Variants in SUMF2 observed in about 807,000 individuals in gnomAD.
SUMF2 encodes the protein sulfatase modifying factor 2.
Under a neutral mutation model 44.8 loss-of-function variants are expected in SUMF2, and 45 were observed. The ratio of observed to expected loss-of-function variants is 1.00; its 90% CI spans 0.79 to 1.29. The LOEUF is 1.29. SUMF2 is among the 50% of genes most tolerant of loss of function. The pLI is 0.00. For synonymous variants in SUMF2, 148 were observed against 150.4 expected (o/e 0.98, Z 0.12); for missense variants, 418 against 389.9 (o/e 1.07, Z -0.61).
intron 8 of SUMF2, chr7:56,079,047 T>G (rs528608388): frequency 1.8e-6 from 1 of 549,780 alleles, no homozygotes; most frequent in Non-Finnish European, 3.3e-6. Context: ...CAGGTGCGGC[T>G]AATTTTTGTA....
intron 3 of SUMF2, 107 bp downstream of exon 3, chr7:56,073,218 G>A (rs778059757): frequency 1.6e-4 from 141 of 854,990 alleles, no homozygotes; most frequent in Non-Finnish European, 1.5e-4. Flanking sequence ...GACCTGAGAG[G>A]TGGAGGCAGA....
intron 8 of SUMF2, 106 bp from the exon 9 acceptor site, chr7:56,079,422 T>C: frequency 8.7e-7 from 1 of 1,154,838 alleles, no homozygotes; most frequent in Non-Finnish European, 1.2e-6. Flanking sequence ...CCAGCCCTCA[T>C]GCTCCCTGAT....
rs1795689273 is a variant in SUMF2, at chr7:56,078,109, TC to T, written c.603del (p.Lys202ArgfsTer15). On this transcript the variant is annotated frameshift_variant, in exon 7 of 9. Coordinates refer to ENST00000434526, the MANE Select transcript of SUMF2 (RefSeq NM_015411.4). LOFTEE classifies it high-confidence loss of function. Reference protein sequence around the residue: ...PNRTNLWQGKFPKGDKAEDGF... With the variant: ...PNRTNLWQGKXPKGDKAEDGF... ...CTTCCTTTCTCCCATCAGGGAAAGT[TC>T]CCCAAGGGAGACAAAGCTGAGGATG... 2 of 1,609,500 alleles carry T rather than the reference TC, an allele frequency of 1.2e-6. No homozygotes were observed. The highest frequency in any genetic ancestry group is 1.7e-6 in the Non-Finnish European group (2 of 1,176,540).
At chr7:56,067,893 C>CGA (rs1794908426) in intron 1 of SUMF2, among the ~76,000 whole-genome samples, 1 of 98,500 alleles carries the variant, frequency 1.0e-5, no homozygotes, top group Admixed American at 1.3e-4. Context: ...GATCCTGTCA[C>CGA]GAAAAAAAAA....
chr7:56,067,724 C>G (rs1794897156), intron 1 of SUMF2, among the ~76,000 whole-genome samples: 1 of 151,636 alleles, frequency 6.6e-6, no homozygotes, highest in African/African-American at 2.4e-5. Flanking sequence ...AAAACCCCAT[C>G]TCTACAAAAA....
rs1337307109 is a variant in SUMF2, at chr7:56,076,847, A to G, written c.549A>G (p.Pro183=). ...CTCTCCTCGCAGGTCAAGTTTACCCATGGGGGAACTGGTTCCAGCCAAACC... is the reference window on the plus strand; with the variant it reads ...CTCTCCTCGCAGGTCAAGTTTACCCGTGGGGGAACTGGTTCCAGCCAAACC... The part of the protein sequence containing the change: ...ARGGLKGQVY[P]WGNWFQPNRT... Residue 183 remains proline (P), a synonymous_variant, in exon 6 of 9, where the codon CCA becomes CCG. Transcript: ENST00000434526. 2.5e-6 allele frequency: 4 copies of G among 1,601,218 alleles called. No homozygotes were observed. Among genetic ancestry groups the G allele is most frequent in the Non-Finnish European group, 3.4e-6 (4 of 1,173,762 alleles).
chr7:56,067,682 C>G (rs1192882964), intron 1 of SUMF2, among the ~76,000 whole-genome samples: 1 of 151,900 alleles, frequency 6.6e-6, no homozygotes, highest in African/African-American at 2.4e-5. Context: ...CATTTGAGCT[C>G]AGGAGTTTGA....
downstream of SUMF2, among the ~76,000 whole-genome samples, chr7:56,082,949 T>G (rs753477696): frequency 6.6e-6 from 1 of 151,842 alleles, no homozygotes; most frequent in Non-Finnish European, 1.5e-5. Context: ...CTACTAAAAA[T>G]ACAAAAATTA....
At position 56,066,082 on chromosome 7, in the gene SUMF2, C is replaced by CAAAA. The variant is rs71015176; in HGVS notation, c.67+1724_67+1727dup. 3.6e-3 allele frequency among the ~76,000 whole-genome samples: 249 copies of CAAAA among 68,782 alleles called. 1 individual carries two copies. Among genetic ancestry groups the CAAAA allele is most frequent in the South Asian group, 5.3e-3 (9 of 1,688 alleles). 45.1% of individuals were successfully genotyped at this position (68,782 alleles called of 152,430 possible). A position where few individuals can be genotyped will look rare whatever the true frequency, so the allele number is the denominator to read the frequency against. On this transcript the variant is annotated intron_variant, in intron 1 of 8. Transcript: ENST00000434526. ...GACAACAGAGCAAGGCTCCGCCTCA[C>CAAAA]AAAAAAAAAAAAAAAAAAAAAAATC...
chr7:56,077,573 C>A (rs1269400188), intron 6 of SUMF2, among the ~76,000 whole-genome samples: 2 of 151,110 alleles, frequency 1.3e-5, no homozygotes, highest in Non-Finnish European at 2.9e-5. Flanking sequence ...GCAGGAGAAT[C>A]ACTTGAACCC....
Position 56,064,378 on chromosome 7 carries a change from G to T in SUMF2, c.67G>T (p.Gly23Ter). ...CCTGGTCGGCGCGTGGCTCAAGCTA[G>T]GTCAGTGAACCGGCCGTCCATCCTG... ...SLLVGAWLKL[G>*]NGQATSMVQL... is the part of the protein sequence containing the mutation. Residue 23 changes from glycine to a stop codon, truncating the protein, a stop_gained and splice_region_variant, in exon 1 of 9, where the codon GGA (glycine) becomes TGA (stop). Transcript: ENST00000434526. LOFTEE classifies it high-confidence loss of function. 1 of 1,603,120 alleles carries T rather than the reference G, an allele frequency of 6.2e-7. No homozygotes were observed. Among genetic ancestry groups the T allele is most frequent in the Non-Finnish European group, 8.5e-7 (1 of 1,175,444 alleles).
At chr7:56,084,242 C>T, downstream of SUMF2, 1 of 1,518,062 alleles carries the variant, frequency 6.6e-7, no homozygotes, top group Non-Finnish European at 8.8e-7. Context: ...AGTGTCTTCC[C>T]ATCTGTGGAA....
chr7:56,071,281 C>T (rs1008660341), intron 2 of SUMF2, among the ~76,000 whole-genome samples: 41 of 152,202 alleles, frequency 2.7e-4, no homozygotes, highest in African/African-American at 9.6e-4. Flanking sequence ...TGCTTGGGCC[C>T]AGGAGGTCAA....
At chr7:56,071,914 A>C (rs1313649565) in intron 2 of SUMF2, among the ~76,000 whole-genome samples, 1 of 151,996 alleles carries the variant, frequency 6.6e-6, no homozygotes, top group Non-Finnish European at 1.5e-5. Flanking sequence ...GTTTGAGACC[A>C]GCCTGGCCAA....
chr7:56,064,622 C>T (rs1445468799), intron 1 of SUMF2, among the ~76,000 whole-genome samples: 1 of 151,770 alleles, frequency 6.6e-6, no homozygotes, highest in Non-Finnish European at 1.5e-5. Context: ...GCCTGTAATC[C>T]CAGCACTTTG....
chr7:56,075,652 T>G lies in SUMF2; in HGVS notation c.535+916T>G, dbSNP rs1000759113. Among the ~76,000 whole-genome samples, 7 of 147,010 alleles carry G rather than the reference T, an allele frequency of 4.8e-5. 1 individual carries two copies. Among genetic ancestry groups the G allele is most frequent in the African/African-American group, 1.8e-4 (7 of 39,650 alleles). On this transcript the variant is annotated intron_variant, in intron 5 of 8. Transcript: ENST00000434526. ...AGGTGGAGGTTGCAGTGAGCCGAGA[T>G]CACGCCACTGCACTCCAGCCTGGGC... is the stretch of plus-strand genomic sequence containing the variant.
In SUMF2 at chr7:56,076,906, T is replaced by G; in HGVS notation, c.591+17T>G. On this transcript the variant is annotated intron_variant, in intron 6 of 8. Transcript: ENST00000434526. ...CTGTGGCAGGTAAGACCTACGTTCCTCCTTTCACCAAGCATTGACAGAGAC... is the reference window on the plus strand; with the variant it reads ...CTGTGGCAGGTAAGACCTACGTTCCGCCTTTCACCAAGCATTGACAGAGAC... The G allele has an allele frequency of 2.5e-6, 4 of 1,601,260 alleles. No homozygotes were observed. Among genetic ancestry groups the G allele is most frequent in the Non-Finnish European group, 3.4e-6 (4 of 1,173,258 alleles).
Position 56,078,194 on chromosome 7 carries a change from C to G in SUMF2, c.676+8C>G. On this transcript the variant is annotated splice_region_variant and intron_variant, in intron 7 of 8. Coordinates refer to ENST00000434526, the MANE Select transcript of SUMF2 (RefSeq NM_015411.4). Reference sequence around the variant, plus strand: ...CCGCCCAGAACAACTACGGTAAGAGCTGTCTTGGGCTTGCGGCTGTGCCCA... The same window carrying G: ...CCGCCCAGAACAACTACGGTAAGAGGTGTCTTGGGCTTGCGGCTGTGCCCA... 6.2e-7 allele frequency: 1 copy of G among 1,606,590 alleles called. No individual in the cohort carries two copies. The highest frequency in any genetic ancestry group is 8.5e-7 in the Non-Finnish European group (1 of 1,174,066).
chr7:56,084,370 AT>A (rs534790677), downstream of SUMF2: 101,025 of 405,290 alleles, frequency 0.25, 1,259 homozygotes, highest in South Asian at 0.28. Flanking sequence ...GAGTATCCCG[AT>A]TTTTTTTTTT....
Sources: allele counts gnomAD v4.1 joint callset (sites outside exome capture counted in the v4.1 genomes callset), GRCh38; gene constraint gnomAD v4.1.1; transcripts MANE v1.5; gene names NCBI Gene and HGNC (gene_info 2026-07-23, HGNC 2026-07-21).